Variants in UNC13C observed in about 807,000 individuals in gnomAD.
The protein encoded by UNC13C is unc-13 homolog C, also known as protein unc-13 homolog C.
UNC13C carries 174 observed loss-of-function variants against 245.4 expected under a neutral mutation model. The ratio of observed to expected loss-of-function variants is 0.71; its 90% CI spans 0.63 to 0.80. The LOEUF is 0.80. Ranked by LOEUF, UNC13C falls within the 30% of genes least tolerant of loss-of-function variation. UNC13C has a pLI of 0.00. For missense variants in UNC13C, 2,829 were observed against 2,602.9 expected (o/e 1.09, Z -1.89); for synonymous variants, 992 against 895.1 (o/e 1.11, Z -1.93).
chr15:54,121,198 A>C (rs1466187621), intron 2 of UNC13C, among the ~76,000 whole-genome samples: 2 of 152,096 alleles, frequency 1.3e-5, no homozygotes, highest in Non-Finnish European at 2.9e-5. Context: ...CTGTTGTCTT[A>C]TTTCAATAAA....
the UNC13C span, among the ~76,000 whole-genome samples, chr15:53,890,423 G>GT: frequency 3.9e-5 from 6 of 152,272 alleles, no homozygotes; most frequent in Admixed American, 3.9e-4. Flanking sequence ...TTACAGGCAT[G>GT]AGCCACTGCG....
At chr15:54,059,164 A>C (rs1207870300) in intron 2 of UNC13C, among the ~76,000 whole-genome samples, 2 of 152,188 alleles carry the variant, frequency 1.3e-5, no homozygotes, top group East Asian at 3.9e-4. Flanking sequence ...GAAAAGAAGA[A>C]GTCAAATTGT....
chr15:54,298,421 G>C (rs1233194116), intron 12 of UNC13C, among the ~76,000 whole-genome samples: 1 of 152,148 alleles, frequency 6.6e-6, no homozygotes, highest in Non-Finnish European at 1.5e-5. Flanking sequence ...GTGCTGTTTT[G>C]ATGGCTTTTG....
At chr15:54,340,801 T>C (rs2038710303) in intron 17 of UNC13C, among the ~76,000 whole-genome samples, 1 of 152,168 alleles carries the variant, frequency 6.6e-6, no homozygotes, top group South Asian at 2.1e-4. Flanking sequence ...ATTTTAGGAC[T>C]GTTTTTTCTA....
intron 30 of UNC13C, among the ~76,000 whole-genome samples, chr15:54,568,367 T>C (rs1189747296): frequency 6.6e-6 from 1 of 152,140 alleles, no homozygotes; most frequent in Non-Finnish European, 1.5e-5. Context: ...ATCCCTGTGC[T>C]CTGGGGTTTC....
chr15:54,263,174 A>G (rs915063172), intron 8 of UNC13C, among the ~76,000 whole-genome samples: 2 of 152,148 alleles, frequency 1.3e-5, no homozygotes, highest in Non-Finnish European at 2.9e-5. Context: ...AGCAATTACT[A>G]CCTATGAACA....
At chr15:54,206,790 A>G (rs2034726810) in intron 4 of UNC13C, among the ~76,000 whole-genome samples, 1 of 152,116 alleles carries the variant, frequency 6.6e-6, no homozygotes, top group Non-Finnish European at 1.5e-5. Context: ...AGTGTGGTCA[A>G]GCAATCTTAG....
chr15:54,241,238 G>C (rs1015129535), intron 7 of UNC13C, among the ~76,000 whole-genome samples: 2 of 152,162 alleles, frequency 1.3e-5, no homozygotes, highest in African/African-American at 4.8e-5. Context: ...AGGCTTCTAG[G>C]AAGTGTTCAT....
chr15:54,198,133 G>T (rs1199962026), intron 4 of UNC13C, among the ~76,000 whole-genome samples: 1 of 151,996 alleles, frequency 6.6e-6, no homozygotes, highest in Non-Finnish European at 1.5e-5. Context: ...CATTGAACTG[G>T]GAACCACACC....
chr15:54,359,941 TGTAA>T (rs1451943487), intron 17 of UNC13C, among the ~76,000 whole-genome samples: 1 of 151,964 alleles, frequency 6.6e-6, no homozygotes, highest in African/African-American at 2.4e-5. Flanking sequence ...CCTTTCTTGA[TGTAA>T]GTGTTTATTG....
chr15:54,624,738 CT>C (rs1209760726), intron 32 of UNC13C, among the ~76,000 whole-genome samples: 2 of 152,072 alleles, frequency 1.3e-5, no homozygotes, highest in African/African-American at 2.4e-5. Context: ...GGAGAAGATT[CT>C]GTATCATGTG....
chr15:54,018,140 T>G (rs1481634143), intron 2 of UNC13C, among the ~76,000 whole-genome samples: 2 of 152,150 alleles, frequency 1.3e-5, no homozygotes. Context: ...AAGGACATTT[T>G]CCAGGCCCCT....
intron 22 of UNC13C, among the ~76,000 whole-genome samples, chr15:54,501,335 T>G (rs573481744): frequency 1.3e-5 from 2 of 152,126 alleles, no homozygotes; most frequent in African/African-American, 4.8e-5. Flanking sequence ...GCAGACATTG[T>G]AGTATAGTGC....
intron 7 of UNC13C, 106 bp from the exon 8 acceptor site, chr15:54,250,119 C>T: frequency 9.1e-7 from 1 of 1,102,620 alleles, no homozygotes; most frequent in Non-Finnish European, 1.3e-6. Flanking sequence ...GGGGCTCTCT[C>T]AAAATACCAT....
chr15:54,622,401 C>A lies in UNC13C; in HGVS notation c.6181C>A (p.His2061Asn), dbSNP rs568170782. 6.2e-7 allele frequency: 1 copy of A among 1,612,802 alleles called. No individual in the cohort carries two copies. Among genetic ancestry groups the A allele is most frequent in the South Asian group, 1.1e-5 (1 of 91,050 alleles). The change falls in exon 31 of 33, where the codon CAT (histidine) becomes AAT (asparagine). Residue 2061 changes from histidine (H) to asparagine (N), a missense_variant. Physicochemically the swap from His to Asn is moderately conservative, Grantham distance 68 (BLOSUM62 1). Transcript: ENST00000260323. Reference sequence around the variant, plus strand: ...CACTGCCACCCCAGGAACGGGAGATCATAAAGTCACTGTAAAAGGTATACT... The same window carrying A: ...CACTGCCACCCCAGGAACGGGAGATAATAAAGTCACTGTAAAAGGTATACT... ...DITATPGTGD[H>N]KVTVKVIAIN...
chr15:54,174,782 C>T (rs1714740414), intron 4 of UNC13C, among the ~76,000 whole-genome samples: 1 of 152,052 alleles, frequency 6.6e-6, no homozygotes, highest in Non-Finnish European at 1.5e-5. Flanking sequence ...TTCAAAAGCC[C>T]TCGTTTCCTT....
chr15:54,517,619 G>A (rs1191008515), intron 24 of UNC13C, among the ~76,000 whole-genome samples: 6 of 152,026 alleles, frequency 3.9e-5, no homozygotes, highest in Non-Finnish European at 8.8e-5. Context: ...AAAAAGGTCT[G>A]AGCACACTGA....
At chr15:54,471,693 T>C (rs1892469600) in intron 19 of UNC13C, among the ~76,000 whole-genome samples, 1 of 151,566 alleles carries the variant, frequency 6.6e-6, no homozygotes, top group African/African-American at 2.4e-5. Context: ...TGGAAAATTG[T>C]TGGTATACAC....
intron 1 of UNC13C, among the ~76,000 whole-genome samples, chr15:53,987,826 C>T (rs1342746596): frequency 2.0e-5 from 3 of 151,990 alleles, no homozygotes; most frequent in Non-Finnish European, 4.4e-5. Context: ...TCTGTTCTTT[C>T]CTGATTGAGA....
Sources: gnomAD v4.1 joint callset for allele counts (sites outside exome capture counted in the v4.1 genomes callset) on GRCh38, gnomAD v4.1.1 for gene constraint, MANE v1.5 for transcripts, NCBI Gene and HGNC (gene_info 2026-07-23, HGNC 2026-07-21) for gene names.